Variants in RABL6 observed in about 807,000 individuals in gnomAD.
RABL6 encodes the protein RAB, member RAS oncogene family like 6.
Under a neutral mutation model 72.9 loss-of-function variants are expected in RABL6, and 28 were observed. That is an observed-to-expected ratio of 0.38 (90% CI 0.28 to 0.53). The LOEUF is 0.53. RABL6 is among the 20% of genes least tolerant of loss of function. RABL6 has a pLI of 0.80. For missense variants in RABL6, 1,029 were observed against 1,008.4 expected (o/e 1.02, Z -0.28); for synonymous variants, 477 against 421.2 (o/e 1.13, Z -1.62).
At chr9:136,823,912 T>C (rs1848295878) in intron 2 of RABL6, among the ~76,000 whole-genome samples, 1 of 152,164 alleles carries the variant, frequency 6.6e-6, no homozygotes, top group South Asian at 2.1e-4. Context: ...CGCAGGTGAG[T>C]GGGCACGCGG....
intron 2 of RABL6, 148 bp downstream of exon 2, chr9:136,823,807 A>T (rs972249398): frequency 9.3e-7 from 1 of 1,074,148 alleles, no homozygotes; most frequent in Non-Finnish European, 1.3e-6. Context: ...CCTGGCGTGA[A>T]CTCTGGGGCT....
chr9:136,809,634 A>C (rs1847961555), intron 1 of RABL6: 1 of 159,438 alleles, frequency 6.3e-6, no homozygotes, highest in African/African-American at 2.4e-5. Context: ...AAAAAAATTT[A>C]AAAGAAAGTT....
At position 136,837,845 on chromosome 9, in the gene RABL6, G is replaced by A. The variant is rs772425674; in HGVS notation, c.1127-17G>A. On this transcript the variant is annotated splice_polypyrimidine_tract_variant and intron_variant, in intron 9 of 14. Transcript: ENST00000311502. Reference sequence around the variant, plus strand: ...TTCTGGTGCCGAGTGAAGAGGACCCGGCATCACTGTTCACAGAGCCAGTCC... The same window carrying A: ...TTCTGGTGCCGAGTGAAGAGGACCCAGCATCACTGTTCACAGAGCCAGTCC... 19 of 1,547,486 alleles carry A rather than the reference G, an allele frequency of 1.2e-5. No individual in the cohort carries two copies. Among genetic ancestry groups the A allele is most frequent in the African/African-American group, 6.9e-5 (5 of 72,944 alleles).
At chr9:136,833,857 G>T in intron 7 of RABL6, 1 of 1,550,500 alleles carries the variant, frequency 6.4e-7, no homozygotes. Flanking sequence ...GTCCTGTGCC[G>T]GCACTGCTGG....
At position 136,828,551 on chromosome 9, in the gene RABL6, G is replaced by A; in HGVS notation, c.366+5G>A. 6.2e-7 allele frequency: 1 copy of A among 1,613,222 alleles called. No homozygotes were observed. Among genetic ancestry groups the A allele is most frequent in the South Asian group, 1.1e-5 (1 of 91,050 alleles). ...ATGGAGAACGACCCCCAGGAGGTGA[G>A]TGCCAGGTACACAGTGGGTAGCAGT... On this transcript the variant is annotated splice_donor_5th_base_variant and intron_variant, in intron 4 of 14. Coordinates refer to ENST00000311502, the MANE Select transcript of RABL6 (RefSeq NM_024718.5).
rs750720011 is a variant in RABL6, at chr9:136,840,421, C to A, written c.2089C>A (p.Arg697Ser). 4.4e-5 allele frequency: 68 copies of A among 1,549,796 alleles called. No individual in the cohort carries two copies. Among genetic ancestry groups the A allele is most frequent in the Middle Eastern group, 1.7e-4 (1 of 5,966 alleles). The part of the protein sequence containing the change: ...ERRRRQQRPP[R>S]SRERTAADEL... ...GCGACGGCGGCAGCAGCGGCCCCCG[C>A]GCAGCAGGGAGAGGACGGCTGCCGA... Residue 697 changes from arginine (R) to serine (S), a missense_variant, in exon 15 of 15, where the codon CGC becomes AGC. Around this residue, in one of 2 missense-constraint regions of RABL6, gnomAD observed 595 missense variants for 472.4 expected, o/e 1.26. Coordinates refer to ENST00000311502, the MANE Select transcript of RABL6 (RefSeq NM_024718.5).
Position 136,823,579 on chromosome 9 carries a change from G to C in RABL6, c.185G>C (p.Arg62Pro). The change falls in exon 2 of 15, where the codon CGC (arginine) becomes CCC (proline). Residue 62 changes from arginine (R) to proline (P), a missense_variant. Physicochemically the swap from Arg to Pro is moderately radical, Grantham distance 103. Coordinates refer to ENST00000311502, the MANE Select transcript of RABL6 (RefSeq NM_024718.5). ...ACGGGCAAGACAGCGCTGTGGCACCGCCTGCAGGGCCGGCCGTTCGTGGAG... is the reference window on the plus strand; with the variant it reads ...ACGGGCAAGACAGCGCTGTGGCACCCCCTGCAGGGCCGGCCGTTCGTGGAG... Reference protein sequence around the residue: ...RNTGKTALWHRLQGRPFVEEY... With the variant: ...RNTGKTALWHPLQGRPFVEEY... 1 of 1,613,828 alleles carries C rather than the reference G, an allele frequency of 6.2e-7. No individual in the cohort carries two copies. Among genetic ancestry groups the C allele is most frequent in the Non-Finnish European group, 8.5e-7 (1 of 1,179,836 alleles).
chr9:136,816,633 CT>C (rs1385365954), intron 1 of RABL6, among the ~76,000 whole-genome samples: 1 of 149,382 alleles, frequency 6.7e-6, no homozygotes, highest in African/African-American at 2.5e-5. Flanking sequence ...AGGAGAATTG[CT>C]TGAGCCTGGG....
intron 1 of RABL6, chr9:136,815,594 G>C (rs1170172371): frequency 5.7e-6 from 1 of 174,498 alleles, no homozygotes; most frequent in African/African-American, 2.4e-5. Context: ...GAGGAGCAAG[G>C]TGTGGCTGAC....
chr9:136,831,124 CA>C (rs1257736007), intron 5 of RABL6: 1 of 154,622 alleles, frequency 6.5e-6, no homozygotes, highest in Non-Finnish European at 1.5e-5. Flanking sequence ...GAAGTTTTGT[CA>C]CTTGAAGCGC....
intron 7 of RABL6, chr9:136,834,170 G>T: frequency 7.9e-7 from 1 of 1,270,000 alleles, no homozygotes; most frequent in Non-Finnish European, 9.9e-7. Context: ...CAAATTTCAG[G>T]CCTTCTTTAT....
intron 7 of RABL6, chr9:136,834,388 T>A (rs925918320): frequency 1.4e-5 from 14 of 989,182 alleles, no homozygotes; most frequent in Non-Finnish European, 1.7e-5. Flanking sequence ...GGATCCAGAG[T>A]TCACACATTA....
chr9:136,824,488 C>T (rs1295546722), intron 2 of RABL6, among the ~76,000 whole-genome samples: 1 of 151,628 alleles, frequency 6.6e-6, no homozygotes, highest in African/African-American at 2.4e-5. Context: ...CGCCACCACA[C>T]CCAGCTAATT....
At chr9:136,813,737 T>C (rs1265107084) in intron 1 of RABL6, 3 of 192,948 alleles carry the variant, frequency 1.6e-5, no homozygotes, top group South Asian at 8.6e-5. Flanking sequence ...TGCCTCAGCC[T>C]CCCGAGTAGC....
In RABL6 at chr9:136,839,069, A is replaced by G. The variant is rs760860966; in HGVS notation, c.1441A>G (p.Thr481Ala). 6.2e-7 allele frequency: 1 copy of G among 1,612,140 alleles called. No individual in the cohort carries two copies. Among genetic ancestry groups the G allele is most frequent in the South Asian group, 1.1e-5 (1 of 91,048 alleles). Residue 481 changes from threonine to alanine, a missense_variant, in exon 11 of 15, where the codon ACA becomes GCA. By Grantham distance (58) the Thr-to-Ala change is moderately conservative. Around this residue, in one of 2 missense-constraint regions of RABL6, gnomAD observed 595 missense variants for 472.4 expected, o/e 1.26. Coordinates refer to ENST00000311502, the MANE Select transcript of RABL6 (RefSeq NM_024718.5). ...SEEEAEVAAP[T>A]KGPAPAPQQC... ...GGAGGAAGCAGAAGTGGCAGCTCCC[A>G]CAAAAGGCCCTGCCCCAGCTCCCCA...
At chr9:136,838,639 C>G (rs1480454385) in intron 10 of RABL6, among the ~76,000 whole-genome samples, 1 of 152,248 alleles carries the variant, frequency 6.6e-6, no homozygotes, top group African/African-American at 2.4e-5. Context: ...CTGGGCCCGC[C>G]TCCTCCACGA....
chr9:136,829,310 T>C, intron 4 of RABL6, 83 bp from the exon 5 acceptor site: 1 of 1,005,190 alleles, frequency 9.9e-7, no homozygotes, highest in East Asian at 2.6e-5. Context: ...ATTAGAAGAC[T>C]ATCCAGCCTT....
chr9:136,820,382 T>C (rs1335625469), intron 1 of RABL6, among the ~76,000 whole-genome samples: 1 of 151,936 alleles, frequency 6.6e-6, no homozygotes, highest in Non-Finnish European at 1.5e-5. Context: ...ATAATTTTGT[T>C]GTTTTTTTTG....
chr9:136,828,515 A>G lies in RABL6; in HGVS notation c.335A>G (p.Asp112Gly). The G allele has an allele frequency of 1.9e-6, 3 of 1,613,328 alleles. No individual in the cohort carries two copies. Among genetic ancestry groups the G allele is most frequent in the Non-Finnish European group, 2.5e-6 (3 of 1,179,800 alleles). Residue 112 changes from aspartate (D) to glycine (G), a missense_variant, in exon 4 of 15, where the codon GAC (aspartate) becomes GGC (glycine). Asp to Gly is a moderately conservative substitution (Grantham distance 94). Transcript: ENST00000311502. Reference protein sequence around the residue: ...VDKGKCKKRGDGLKMENDPQE... With the variant: ...VDKGKCKKRGGGLKMENDPQE... ...TAAGGAAAATGCAAAAAGCGAGGCG[A>G]CGGCTTAAAGATGGAGAACGACCCC...
Sources: allele counts gnomAD v4.1 joint callset (sites outside exome capture counted in the v4.1 genomes callset), GRCh38; gene constraint gnomAD v4.1.1; regional missense constraint gnomAD v4.1.1; transcripts MANE v1.5; gene names NCBI Gene and HGNC (gene_info 2026-07-23, HGNC 2026-07-21).